IMMP2L: variants seen among roughly 807,000 people sequenced by gnomAD.
IMMP2L encodes inner mitochondrial membrane peptidase subunit 2, also known as mitochondrial inner membrane protease subunit 2.
IMMP2L carries 18 observed loss-of-function variants against 19.3 expected under a neutral mutation model. That is an observed-to-expected ratio of 0.93 (90% CI 0.64 to 1.38). The LOEUF is 1.38. Ranked by LOEUF, IMMP2L falls within the 40% of genes most tolerant of loss-of-function variation. The probability of loss-of-function intolerance (pLI) is 0.00; values close to 1 mark genes in which losing one functional copy is unlikely to be tolerated. For missense variants in IMMP2L, 233 were observed against 218.2 expected (o/e 1.07, Z -0.43); for synonymous variants, 76 against 73.0 (o/e 1.04, Z -0.21).
chr7:111,013,969 T>C (rs1825236044), intron 3 of IMMP2L, among the ~76,000 whole-genome samples: 1 of 152,130 alleles, frequency 6.6e-6, no homozygotes, highest in African/African-American at 2.4e-5. Flanking sequence ...TCAGGAAAAC[T>C]GGACATATTT....
chr7:110,979,875 T>G (rs917126023), intron 3 of IMMP2L, among the ~76,000 whole-genome samples: 1 of 152,260 alleles, frequency 6.6e-6, no homozygotes, highest in African/African-American at 2.4e-5. Flanking sequence ...GCTTTATAAA[T>G]ATACTAAAAA....
At chr7:111,120,640 A>C (rs1026213589) in intron 3 of IMMP2L, among the ~76,000 whole-genome samples, 8 of 152,190 alleles carry the variant, frequency 5.3e-5, no homozygotes, top group African/African-American at 1.9e-4. Context: ...GCCAAATGTT[A>C]ATCTTGTGAA....
At chr7:111,115,098 G>C (rs1232009588) in intron 3 of IMMP2L, among the ~76,000 whole-genome samples, 1 of 152,076 alleles carries the variant, frequency 6.6e-6, no homozygotes, top group African/African-American at 2.4e-5. Context: ...TTCCCAGAGA[G>C]ACCTACATTT....
chr7:111,419,699 G>A (rs1344039640), intron 3 of IMMP2L, among the ~76,000 whole-genome samples: 1 of 151,434 alleles, frequency 6.6e-6, no homozygotes, highest in Non-Finnish European at 1.5e-5. Flanking sequence ...AAACCAAACT[G>A]TGTTCTGACC....
intron 3 of IMMP2L, among the ~76,000 whole-genome samples, chr7:111,064,565 C>T (rs1794316777): frequency 6.6e-6 from 1 of 152,096 alleles, no homozygotes; most frequent in African/African-American, 2.4e-5. Context: ...GCACCATTCA[C>T]CATCATCCCT....
intron 4 of IMMP2L, among the ~76,000 whole-genome samples, chr7:110,889,159 C>A (rs560525879): frequency 6.6e-6 from 1 of 152,228 alleles, no homozygotes; most frequent in Non-Finnish European, 1.5e-5. Context: ...GCAGTAGGGA[C>A]TGATTTAATG....
intron 3 of IMMP2L, among the ~76,000 whole-genome samples, chr7:111,197,620 A>G (rs1255985071): frequency 1.3e-5 from 2 of 152,218 alleles, no homozygotes; most frequent in South Asian, 2.1e-4. Context: ...TCAACAAACC[A>G]AAGTACCATC....
intron 3 of IMMP2L, among the ~76,000 whole-genome samples, chr7:111,003,893 A>G (rs945008949): frequency 6.6e-6 from 1 of 152,192 alleles, no homozygotes; most frequent in African/African-American, 2.4e-5. Flanking sequence ...AGGATATTTC[A>G]CTTAAAACAA....
At chr7:111,263,772 C>G (rs112612573) in intron 3 of IMMP2L, among the ~76,000 whole-genome samples, 10 of 152,026 alleles carry the variant, frequency 6.6e-5, no homozygotes, top group Non-Finnish European at 1.2e-4. Context: ...GACTGAGTAG[C>G]GACTAGGGAA....
intron 3 of IMMP2L, among the ~76,000 whole-genome samples, chr7:111,278,707 G>A (rs1819375648): frequency 6.6e-6 from 1 of 152,074 alleles, no homozygotes; most frequent in Non-Finnish European, 1.5e-5. Context: ...ATGATCTTTT[G>A]TTAATAACAT....
rs546333330 is a variant in IMMP2L, at chr7:111,075,534, G to C, written c.240-111969C>G. ...TGTTTTCATAATACTCGAAATTGCAGGAACATTTAGAACAGTCCCTCCTTT... is the reference window on the plus strand; with the variant it reads ...TGTTTTCATAATACTCGAAATTGCACGAACATTTAGAACAGTCCCTCCTTT... On this transcript the variant is annotated intron_variant, in intron 3 of 5. Coordinates refer to ENST00000405709, the MANE Select transcript of IMMP2L (RefSeq NM_032549.4). 4.6e-5 allele frequency among the ~76,000 whole-genome samples: 7 copies of C among 152,248 alleles called. No homozygotes were observed. In the South Asian group the frequency reaches 1.5e-3, roughly 32 times the overall value.
At chr7:110,959,906 C>T (rs1818755976) in intron 4 of IMMP2L, among the ~76,000 whole-genome samples, 1 of 151,958 alleles carries the variant, frequency 6.6e-6, no homozygotes, top group African/African-American at 2.4e-5. Context: ...CCAATATTTA[C>T]ATGTGCTGAG....
At chr7:111,019,674 G>A (rs975277722) in intron 3 of IMMP2L, among the ~76,000 whole-genome samples, 1 of 152,158 alleles carries the variant, frequency 6.6e-6, no homozygotes, top group Admixed American at 6.5e-5. Flanking sequence ...TCAGACTCCT[G>A]CCTAGAGAGT....
intron 3 of IMMP2L, among the ~76,000 whole-genome samples, chr7:111,257,068 G>T (rs745587574): frequency 6.6e-6 from 1 of 151,900 alleles, no homozygotes; most frequent in Non-Finnish European, 1.5e-5. Context: ...CATTTATCAG[G>T]TTATGATCTT....
Position 110,944,467 on chromosome 7 carries a change from G to A in IMMP2L, c.305+19033C>T, listed in dbSNP as rs530787743. Among the ~76,000 whole-genome samples the A allele has an allele frequency of 2.0e-4, 30 of 151,762 alleles. 1 individual carries two copies. The highest frequency in any genetic ancestry group is 6.8e-3 in the Middle Eastern group (2 of 294). On this transcript the variant is annotated intron_variant, in intron 4 of 5. Coordinates refer to ENST00000405709, the MANE Select transcript of IMMP2L (RefSeq NM_032549.4). Reference sequence around the variant, plus strand: ...GCACATAGAGTGTGTGTGTGTGCGCGCGCACGTGTGTGTGTGCGCGTGTGT... The same window carrying A: ...GCACATAGAGTGTGTGTGTGTGCGCACGCACGTGTGTGTGTGCGCGTGTGT...
intron 3 of IMMP2L, among the ~76,000 whole-genome samples, chr7:111,028,049 T>G (rs1001313043): frequency 1.3e-5 from 2 of 152,152 alleles, no homozygotes; most frequent in Non-Finnish European, 2.9e-5. Context: ...AGATAAATTT[T>G]CTTGAAGTGT....
At chr7:111,454,673 G>A (rs1839529800) in intron 3 of IMMP2L, among the ~76,000 whole-genome samples, 2 of 151,546 alleles carry the variant, frequency 1.3e-5, no homozygotes, top group Admixed American at 1.3e-4. Context: ...TAATTAGATG[G>A]GCTTTTATAA....
intron 4 of IMMP2L, among the ~76,000 whole-genome samples, chr7:110,925,064 G>T (rs776814061): frequency 1.3e-5 from 2 of 152,062 alleles, no homozygotes; most frequent in Non-Finnish European, 2.9e-5. Context: ...AAATGGAATC[G>T]TGGCATAAGA....
At chr7:111,175,027 T>TTAAA (rs1183026712) in intron 3 of IMMP2L, among the ~76,000 whole-genome samples, 3 of 151,848 alleles carry the variant, frequency 2.0e-5, no homozygotes, top group African/African-American at 7.2e-5. Flanking sequence ...CTGAACTCTA[T>TTAAA]TAAACTGAAA....
Sources: gnomAD v4.1 joint callset for allele counts (sites outside exome capture counted in the v4.1 genomes callset) on GRCh38, gnomAD v4.1.1 for gene constraint, MANE v1.5 for transcripts, NCBI Gene and HGNC (gene_info 2026-07-23, HGNC 2026-07-21) for gene names.